STYXL2: variants seen among roughly 807,000 people sequenced by gnomAD.
STYXL2 encodes serine/threonine/tyrosine-interacting-like protein 2.
In STYXL2, 44 loss-of-function variants were observed where a neutral mutation model predicts 52.4. The observed-to-expected ratio is 0.84, with a 90% confidence interval of 0.66 to 1.08. STYXL2 has a LOEUF of 1.08. Ranked by LOEUF, STYXL2 falls within the 50% of genes least tolerant of loss-of-function variation. STYXL2 has a pLI of 0.00. For synonymous variants in STYXL2, 604 were observed against 586.9 expected (o/e 1.03, Z -0.42); for missense variants, 1,604 against 1,471.7 (o/e 1.09, Z -1.47).
chr1:167,094,576 G>A (rs575783332), intron 1 of STYXL2: 2 of 414,288 alleles, frequency 4.8e-6, no homozygotes, highest in Non-Finnish European at 8.9e-6. Flanking sequence ...CTCCCTTGCT[G>A]ACATCTGTGG....
intron 3 of STYXL2, among the ~76,000 whole-genome samples, chr1:167,114,766 TC>T (rs1339132698): frequency 1.3e-5 from 2 of 152,054 alleles, no homozygotes; most frequent in Non-Finnish European, 2.9e-5. Context: ...GGATTTTTTT[TC>T]TTTTTCTTCC....
chr1:167,097,508 A>G (rs1458075420), intron 2 of STYXL2, among the ~76,000 whole-genome samples: 1 of 152,174 alleles, frequency 6.6e-6, no homozygotes, highest in Non-Finnish European at 1.5e-5. Context: ...TTGGGTGTGG[A>G]GTCCAAGATG....
intron 5 of STYXL2, among the ~76,000 whole-genome samples, chr1:167,125,390 T>C (rs1667940531): frequency 6.6e-6 from 1 of 152,232 alleles, no homozygotes; most frequent in Non-Finnish European, 1.5e-5. Flanking sequence ...AAGGGAATTC[T>C]CAAGTTTAGG....
Position 167,127,314 on chromosome 1 carries a change from C to T in STYXL2, c.2183C>T (p.Ala728Val), listed in dbSNP as rs368739494. The T allele has an allele frequency of 1.2e-6, 2 of 1,614,170 alleles. No homozygotes were observed. The highest frequency in any genetic ancestry group is 2.2e-5 in the East Asian group (1 of 44,872). ...ISIASIQNWIANVVSETLAQK... is the reference protein window; with the variant it reads ...ISIASIQNWIVNVVSETLAQK... ...ATTGCCAGTATCCAGAACTGGATTG[C>T]CAATGTAGTCAGTGAGACCCTTGCT... Residue 728 changes from alanine to valine, a missense_variant, in exon 6 of 6, where the codon GCC (alanine) becomes GTC (valine). Physicochemically the swap from Ala to Val is moderately conservative, Grantham distance 64. Transcript: ENST00000361200.
intron 2 of STYXL2, among the ~76,000 whole-genome samples, chr1:167,105,477 T>A (rs1312725160): frequency 3.3e-5 from 5 of 152,174 alleles, no homozygotes; most frequent in South Asian, 2.1e-4. Context: ...CTAATCAGGG[T>A]GTGAGTGTCA....
chr1:167,127,737 T>G lies in STYXL2; in HGVS notation c.2606T>G (p.Phe869Cys). 2 of 1,613,958 alleles carry G rather than the reference T, an allele frequency of 1.2e-6. No individual in the cohort carries two copies. The highest frequency in any genetic ancestry group is 8.5e-7 in the Non-Finnish European group (1 of 1,179,990). The change falls in exon 6 of 6, where the codon TTC (phenylalanine) becomes TGC (cysteine). Residue 869 changes from phenylalanine (F) to cysteine (C), a missense_variant. By Grantham distance (205) the Phe-to-Cys change is radical. Coordinates refer to ENST00000361200, the MANE Select transcript of STYXL2 (RefSeq NM_001080426.3). ...TCAGACAACAAACGCAGCTCCCTCTTCAAGAAGAAGAAGGTCAAGGAAGAT... is the reference window on the plus strand; with the variant it reads ...TCAGACAACAAACGCAGCTCCCTCTGCAAGAAGAAGAAGGTCAAGGAAGAT... ...LASDNKRSSLFKKKKVKEDED... is the reference protein window; with the variant it reads ...LASDNKRSSLCKKKKVKEDED...
rs1341399330 is a variant in STYXL2, at chr1:167,126,441, G to A, written c.1310G>A (p.Ser437Asn). The change falls in exon 6 of 6, where the codon AGC becomes AAC. Residue 437 changes from serine (S) to asparagine (N), a missense_variant. Physicochemically the swap from Ser to Asn is conservative, Grantham distance 46. Coordinates refer to ENST00000361200, the MANE Select transcript of STYXL2 (RefSeq NM_001080426.3). ...AGGCGGCGGCGCACCCTGAGCGAGA[G>A]CAGCGCCTGGGAGAGCGTGAGCAGC... ...VGRRRRTLSESSAWESVSSHD... is the reference protein window; with the variant it reads ...VGRRRRTLSENSAWESVSSHD... 6.3e-6 allele frequency: 10 copies of A among 1,576,120 alleles called. No individual in the cohort carries two copies. Among genetic ancestry groups the A allele is most frequent in the Non-Finnish European group, 7.7e-6 (9 of 1,161,568 alleles).
At chr1:167,124,187 G>A (rs1667915815) in intron 5 of STYXL2, among the ~76,000 whole-genome samples, 2 of 152,180 alleles carry the variant, frequency 1.3e-5, no homozygotes, top group Non-Finnish European at 2.9e-5. Context: ...TGGGATTACA[G>A]GTATGAGCCA....
Position 167,125,822 on chromosome 1 carries a change from C to T in STYXL2, c.691C>T (p.Arg231Trp), listed in dbSNP as rs564733869. ...GGTCAGCAGCGAAATGGGCATCAGC[C>T]GGTCAGCAGTGCTGGTGGTCGCCTA... Reference protein sequence around the residue: ...VLVSSEMGISRSAVLVVAYLM... With the variant: ...VLVSSEMGISWSAVLVVAYLM... The change falls in exon 6 of 6, where the codon CGG becomes TGG. Residue 231 changes from arginine to tryptophan, a missense_variant. Coordinates refer to ENST00000361200, the MANE Select transcript of STYXL2 (RefSeq NM_001080426.3). 5.6e-6 allele frequency: 9 copies of T among 1,608,332 alleles called. No individual in the cohort carries two copies. Among genetic ancestry groups the T allele is most frequent in the African/African-American group, 4.0e-5 (3 of 74,580 alleles).
At chr1:167,114,049 C>T (rs1274976307) in intron 3 of STYXL2, among the ~76,000 whole-genome samples, 1 of 152,152 alleles carries the variant, frequency 6.6e-6, no homozygotes, top group Non-Finnish European at 1.5e-5. Context: ...TCCCTAGGGC[C>T]TCCTGCTCAA....
In STYXL2 at chr1:167,127,458, G is replaced by A; in HGVS notation, c.2327G>A (p.Ser776Asn). 1 of 1,614,124 alleles carries A rather than the reference G, an allele frequency of 6.2e-7. No individual in the cohort carries two copies. Residue 776 changes from serine to asparagine, a missense_variant, in exon 6 of 6, where the codon AGC becomes AAC. Physicochemically the swap from Ser to Asn is conservative, Grantham distance 46. Transcript: ENST00000361200. ...GTCTCCATGCTTAGTGGACACAGCA[G>A]CTCCTCCTTGGGTGGCTGCCTGTTG... ...DQVSMLSGHS[S>N]SSLGGCLLPQ...
intron 4 of STYXL2, among the ~76,000 whole-genome samples, chr1:167,118,306 T>A (rs1667774609): frequency 6.6e-6 from 1 of 152,236 alleles, no homozygotes. Context: ...GGTTAATTAG[T>A]GAAACAAATT....
rs1207593423 is a variant in STYXL2, at chr1:167,120,878, A to G, written c.655+1412A>G. 3.5e-5 allele frequency among the ~76,000 whole-genome samples: 4 copies of G among 114,656 alleles called. No individual in the cohort carries two copies. In the East Asian group the frequency reaches 9.0e-4, roughly 26 times the overall value. 75.2% of individuals were successfully genotyped at this position (114,656 alleles called of 152,430 possible). ...TATATATATATATATATATATATAT[A>G]TATATATACAGAGAGAGAGAGAGGT... is the stretch of plus-strand genomic sequence containing the variant. On this transcript the variant is annotated intron_variant, in intron 5 of 5. Coordinates refer to ENST00000361200, the MANE Select transcript of STYXL2 (RefSeq NM_001080426.3).
Position 167,095,054 on chromosome 1 carries a change from C to T in STYXL2, c.110+95C>T. ...GCTCCAGGGAGCCTGCAGCCATCAC[C>T]TCGGTTCACTCATTTAACAAATATT... On this transcript the variant is annotated intron_variant, in intron 2 of 5. Transcript: ENST00000361200. 3 of 810,000 alleles carry T rather than the reference C, an allele frequency of 3.7e-6. No individual in the cohort carries two copies. The East Asian group carries it at 8.0e-5, about 22-fold the overall frequency. 50.2% of individuals were successfully genotyped at this position (810,000 alleles called of 1,614,324 possible).
Position 167,126,762 on chromosome 1 carries a change from T to C in STYXL2, c.1631T>C (p.Leu544Pro). The C allele has an allele frequency of 6.2e-7, 1 of 1,614,074 alleles. No homozygotes were observed. Among genetic ancestry groups the C allele is most frequent in the Non-Finnish European group, 8.5e-7 (1 of 1,180,008 alleles). The change falls in exon 6 of 6, where the codon CTG (leucine) becomes CCG (proline). Residue 544 changes from leucine to proline, a missense_variant. By Grantham distance (98) the Leu-to-Pro change is moderately conservative. Transcript: ENST00000361200. ...CSRNKDKLTALERWKIKRIQF... is the reference protein window; with the variant it reads ...CSRNKDKLTAPERWKIKRIQF... Reference sequence around the variant, plus strand: ...AGGAACAAGGACAAGCTCACTGCCCTGGAAAGATGGAAGATCAAGAGAATC... The same window carrying C: ...AGGAACAAGGACAAGCTCACTGCCCCGGAAAGATGGAAGATCAAGAGAATC...
In STYXL2 at chr1:167,126,103, G is replaced by A. The variant is rs780416294; in HGVS notation, c.972G>A (p.Leu324=). The A allele has an allele frequency of 1.3e-6, 2 of 1,520,016 alleles. No homozygotes were observed. Among genetic ancestry groups the A allele is most frequent in the Non-Finnish European group, 1.8e-6 (2 of 1,136,330 alleles). 94.2% of individuals were successfully genotyped at this position (1,520,016 alleles called of 1,614,324 possible). The change falls in exon 6 of 6, where the codon CTG becomes CTA. Residue 324 remains leucine, a synonymous_variant. Transcript: ENST00000361200. ...VEEEDDSASH[L]SGSSLGKATQ... Reference sequence around the variant, plus strand: ...AGGAGGACGACAGCGCCAGCCACCTGAGTGGCTCCTCCCTGGGGAAGGCCA... The same window carrying A: ...AGGAGGACGACAGCGCCAGCCACCTAAGTGGCTCCTCCCTGGGGAAGGCCA...
chr1:167,127,052 C>T lies in STYXL2; in HGVS notation c.1921C>T (p.Gln641Ter). The T allele has an allele frequency of 4.3e-6, 7 of 1,610,374 alleles. No homozygotes were observed. Among genetic ancestry groups the T allele is most frequent in the Non-Finnish European group, 5.9e-6 (7 of 1,177,614 alleles). ...ERSRQTLEES[Q>*]SMASWEADSS... is the part of the protein sequence containing the mutation. ...AAGCCGGCAGACGCTGGAGGAGAGC[C>T]AGTCTATGGCAAGCTGGGAGGCGGA... is the stretch of plus-strand genomic sequence containing the variant. Residue 641 changes from glutamine (Q) to a stop codon, truncating the protein, a stop_gained, in exon 6 of 6, where the codon CAG (glutamine) becomes TAG (stop). Coordinates refer to ENST00000361200, the MANE Select transcript of STYXL2 (RefSeq NM_001080426.3). LOFTEE classifies it low-confidence loss of function (END_TRUNC).
Position 167,124,079 on chromosome 1 carries a change from T to G in STYXL2, c.656-1708T>G, listed in dbSNP as rs543069861. On this transcript the variant is annotated intron_variant, in intron 5 of 5. Transcript: ENST00000361200. ...ACTACAGGCGCTTGCCATGGTTTTT[T>G]GTTTTTGTTTTTTTTAGAGACGAGG... 2.0e-5 allele frequency among the ~76,000 whole-genome samples: 3 copies of G among 152,086 alleles called. No individual in the cohort carries two copies. The South Asian group carries it at 6.2e-4, about 31-fold the overall frequency.
At chr1:167,109,093 A>G (rs1302885777) in intron 2 of STYXL2, among the ~76,000 whole-genome samples, 2 of 152,200 alleles carry the variant, frequency 1.3e-5, no homozygotes, top group African/African-American at 4.8e-5. Context: ...GTATTGGGGA[A>G]GGACCACAGG....
Sources: allele counts gnomAD v4.1 joint callset (sites outside exome capture counted in the v4.1 genomes callset), GRCh38; gene constraint gnomAD v4.1.1; transcripts MANE v1.5; gene names NCBI Gene and HGNC (gene_info 2026-07-23, HGNC 2026-07-21).